Variants in MYO16 observed in about 807,000 individuals in gnomAD.
MYO16 encodes the protein myosin XVI.
A neutral mutation model predicts 205.3 loss-of-function variants in MYO16; 94 were observed. That is an observed-to-expected ratio of 0.46 (90% confidence interval 0.39 to 0.54). The LOEUF (loss-of-function observed/expected upper bound fraction) is 0.54, where lower values mean the gene tolerates loss of function less well. MYO16 is among the 20% of genes least tolerant of loss of function. The pLI, the probability that MYO16 is intolerant of heterozygous loss-of-function variation, is 0.00. For synonymous variants in MYO16, 988 were observed against 954.0 expected, an observed-to-expected ratio of 1.04 and a Z score of -0.66; for missense variants, 2,315 against 2,387.5, an observed-to-expected ratio of 0.97 and a Z score of 0.63.
At chr13:108,854,890 C>G (rs1878087608) in intron 10 of MYO16, among the ~76,000 whole-genome samples, 1 of 152,182 alleles carries the variant, frequency 6.6e-6, no homozygotes. Context: ...TATTTAATCT[C>G]ATAGCTACCT....
chr13:108,753,370 CAAAAAAAAAA>C lies in MYO16; in HGVS notation c.507+25803_507+25812del, dbSNP rs534466420. Among the ~76,000 whole-genome samples the C allele has an allele frequency of 9.8e-5, 11 of 111,782 alleles. 1 individual carries two copies. The highest frequency in any genetic ancestry group is 5.4e-4 in the South Asian group (2 of 3,674). The allele number at this position is 111,782 out of a possible 152,430, so 73.3% of individuals were successfully genotyped here. A position where few individuals can be genotyped will look rare whatever the true frequency, so the allele number is the denominator to read the frequency against. ...GGGCAATAAGAGCAAAACTCTGTGA[CAAAAAAAAAA>C]AAAAAAAAAAAAAAACAATAAAATA... On this transcript the variant is annotated intron_variant, in intron 4 of 34. Coordinates refer to ENST00000457511, the MANE Select transcript of MYO16 (RefSeq NM_001198950.3).
intron 21 of MYO16, among the ~76,000 whole-genome samples, chr13:109,005,581 A>G (rs146444372): frequency 3.3e-5 from 5 of 152,170 alleles, no homozygotes; most frequent in Non-Finnish European, 7.4e-5. Context: ...AAATAACTCC[A>G]TCAGGTTGTA....
Position 108,785,755 on chromosome 13 carries a change from CT to C in MYO16, c.616+16del. ...TCTGGATGAAAATGGTAGGCAAAAA[CT>C]TTTAAAACCATAGAAAAAAATAGAT... On this transcript the variant is annotated intron_variant, in intron 5 of 34. Transcript: ENST00000457511. 1 of 1,499,900 alleles carries C rather than the reference CT, an allele frequency of 6.7e-7. No individual in the cohort carries two copies. Among genetic ancestry groups the C allele is most frequent in the South Asian group, 1.2e-5 (1 of 84,472 alleles). 92.9% of individuals were successfully genotyped at this position (1,499,900 alleles called of 1,614,324 possible).
intron 1 of MYO16, 22 bp downstream of exon 1, chr13:108,629,894 C>A: frequency 6.6e-7 from 1 of 1,516,626 alleles, no homozygotes; most frequent in Non-Finnish European, 8.8e-7. Context: ...TGATATCTTG[C>A]TCATGTGGTT....
chr13:108,896,324 TATTAG>T (rs1421925281), intron 14 of MYO16, among the ~76,000 whole-genome samples: 5 of 152,302 alleles, frequency 3.3e-5, no homozygotes, highest in Admixed American at 6.5e-5. Flanking sequence ...ACATATTTCA[TATTAG>T]ATTATAGGAA....
chr13:108,615,414 AGTGTTATCACGTGAT>A (rs940717547), intron 1 of MYO16, among the ~76,000 whole-genome samples: 2 of 152,128 alleles, frequency 1.3e-5, no homozygotes, highest in Non-Finnish European at 2.9e-5. Flanking sequence ...TTTTTAATGT[AGTGTTATCACGTGAT>A]CCAGAATTCT....
chr13:108,796,405 T>C (rs1886790038), intron 6 of MYO16, among the ~76,000 whole-genome samples: 1 of 152,160 alleles, frequency 6.6e-6, no homozygotes, highest in Admixed American at 6.5e-5. Flanking sequence ...GACCCAGTCA[T>C]CCCATTACTG....
chr13:109,081,942 T>C (rs970879669), intron 27 of MYO16, among the ~76,000 whole-genome samples: 1 of 152,206 alleles, frequency 6.6e-6, no homozygotes, highest in Non-Finnish European at 1.5e-5. Context: ...AGCCTGTTTT[T>C]TAAATAAAGT....
At chr13:108,687,265 C>A (rs1882716574) in intron 2 of MYO16, among the ~76,000 whole-genome samples, 1 of 152,162 alleles carries the variant, frequency 6.6e-6, no homozygotes, top group African/African-American at 2.4e-5. Context: ...TGTCTTCTCG[C>A]CAGGGGTTTG....
At chr13:108,848,611 GCAAC>G (rs1288745738) in intron 10 of MYO16, among the ~76,000 whole-genome samples, 1 of 152,024 alleles carries the variant, frequency 6.6e-6, no homozygotes, top group African/African-American at 2.4e-5. Flanking sequence ...GACCAGCCCG[GCAAC>G]ATAGCAAAAC....
chr13:108,795,091 A>G (rs1446038808), intron 6 of MYO16, among the ~76,000 whole-genome samples: 2 of 152,082 alleles, frequency 1.3e-5, no homozygotes, highest in Non-Finnish European at 2.9e-5. Flanking sequence ...ATAGTCTCCT[A>G]AAGTTTATAA....
At chr13:108,496,897 G>T in the MYO16 span, among the ~76,000 whole-genome samples, 1 of 134,754 alleles carries the variant, frequency 7.4e-6, no homozygotes, top group Middle Eastern at 3.7e-3. Context: ...TGAGCAGAGG[G>T]CTGACCTGCG....
At chr13:109,178,050 CG>C (rs969217034) in intron 33 of MYO16, among the ~76,000 whole-genome samples, 11 of 152,154 alleles carry the variant, frequency 7.2e-5, no homozygotes, top group Admixed American at 2.6e-4. Flanking sequence ...CCCTACTACC[CG>C]GAAACACATT....
chr13:108,843,756 GAAA>G (rs1877370570), intron 9 of MYO16, among the ~76,000 whole-genome samples: 1 of 152,008 alleles, frequency 6.6e-6, no homozygotes, highest in South Asian at 2.1e-4. Flanking sequence ...AAAGTCAATA[GAAA>G]AATAAAAAGT....
chr13:109,181,507 G>C (rs72658207), intron 34 of MYO16, among the ~76,000 whole-genome samples: 1 of 152,154 alleles, frequency 6.6e-6, no homozygotes, highest in African/African-American at 2.4e-5. Context: ...GATTGGGCAC[G>C]TAGCAGTAAA....
Position 109,140,437 on chromosome 13 carries a change from C to T in MYO16, c.4225C>T (p.Leu1409=), listed in dbSNP as rs752285120. ...CGCCCCGGGGGCAGCAGCGCGCGTT[C>T]TGACCCCCGGGACTCCGCAGTGCGC... is the stretch of plus-strand genomic sequence containing the variant. ...AGAPGAAARV[L]TPGTPQCALP... The change falls in exon 32 of 35, where the codon CTG becomes TTG. Residue 1409 remains leucine (L), a synonymous_variant. Coordinates refer to ENST00000457511, the MANE Select transcript of MYO16 (RefSeq NM_001198950.3). The surrounding 1 kb of genome is among the most constrained non-coding windows in gnomAD (Gnocchi z 8.0). The T allele has an allele frequency of 2.6e-6, 4 of 1,557,878 alleles. No individual in the cohort carries two copies. In the South Asian group the frequency reaches 4.6e-5, roughly 18 times the overall value.
Position 108,815,406 on chromosome 13 carries a change from C to G in MYO16, c.868-4931C>G, listed in dbSNP as rs1463519580. ...GTGTAATCACATGGGACCTTAGAAG[C>G]AGAGCCTTGTTCTTGGCTGAGAGAC... On this transcript the variant is annotated intron_variant, in intron 7 of 34. Transcript: ENST00000457511. 2.0e-5 allele frequency among the ~76,000 whole-genome samples: 3 copies of G among 152,162 alleles called. No homozygotes were observed. In the East Asian group the frequency reaches 5.8e-4, roughly 29 times the overall value.
chr13:108,798,125 A>G (rs562332164), intron 6 of MYO16, among the ~76,000 whole-genome samples: 9 of 152,180 alleles, frequency 5.9e-5, no homozygotes, highest in South Asian at 4.1e-4. Context: ...TTTGATTCAC[A>G]TGTCTGAATT....
At chr13:108,811,176 A>T (rs1233223566) in intron 7 of MYO16, among the ~76,000 whole-genome samples, 1 of 152,194 alleles carries the variant, frequency 6.6e-6, no homozygotes, top group African/African-American at 2.4e-5. Context: ...TTTGTATGAC[A>T]TAACTCATAC....
Sources: gnomAD v4.1 joint callset for allele counts (sites outside exome capture counted in the v4.1 genomes callset) on GRCh38, gnomAD v4.1.1 for gene constraint, Gnocchi (gnomAD v3.1) non-coding constraint, MANE v1.5 for transcripts, NCBI Gene and HGNC (gene_info 2026-07-23, HGNC 2026-07-21) for gene names.